Variants in MTHFD1L observed in about 807,000 individuals in gnomAD.
MTHFD1L encodes the protein monofunctional C1-tetrahydrofolate synthase, mitochondrial.
In MTHFD1L, 81 loss-of-function variants were observed where a neutral mutation model predicts 119.5. That is an observed-to-expected ratio of 0.68 (90% CI 0.57 to 0.82). The LOEUF (loss-of-function observed/expected upper bound fraction) is 0.82. Among genes scored for constraint, MTHFD1L ranks in the 40% least tolerant of loss-of-function variants. MTHFD1L has a pLI of 0.00. For synonymous variants in MTHFD1L, 430 were observed against 475.2 expected (o/e 0.90, Z 1.24); for missense variants, 1,125 against 1,253.4 (o/e 0.90, Z 1.55).
chr6:151,100,842 A>G (rs1795312340), intron 27 of MTHFD1L, among the ~76,000 whole-genome samples: 1 of 152,050 alleles, frequency 6.6e-6, no homozygotes, highest in Non-Finnish European at 1.5e-5. Context: ...TAAAAATCCA[A>G]GGTGACAGTA....
intron 24 of MTHFD1L, among the ~76,000 whole-genome samples, chr6:151,023,203 T>C (rs1475985202): frequency 6.6e-6 from 1 of 152,044 alleles, no homozygotes; most frequent in Non-Finnish European, 1.5e-5. Context: ...TGGGCCACTA[T>C]GCCCAGCAAA....
chr6:151,050,725 A>G (rs1350566145), intron 26 of MTHFD1L, among the ~76,000 whole-genome samples: 1 of 151,990 alleles, frequency 6.6e-6, no homozygotes, highest in East Asian at 1.9e-4. Flanking sequence ...TGCTTGGTGT[A>G]TGGGGAAACC....
chr6:151,017,640 C>A (rs976108499), intron 24 of MTHFD1L, among the ~76,000 whole-genome samples: 1 of 152,178 alleles, frequency 6.6e-6, no homozygotes, highest in South Asian at 2.1e-4. Flanking sequence ...CCACCGCGCC[C>A]GGCCAGAATT....
At chr6:151,079,340 C>T (rs797005780) in intron 26 of MTHFD1L, among the ~76,000 whole-genome samples, 4 of 152,018 alleles carry the variant, frequency 2.6e-5, no homozygotes, top group African/African-American at 4.8e-5. Context: ...AGGACAGCAG[C>T]GAAAGGCAAA....
rs765496279 is a variant in MTHFD1L, at chr6:151,014,952, C to T, written c.2380C>T (p.Pro794Ser). 55 of 1,613,932 alleles carry T rather than the reference C, an allele frequency of 3.4e-5. 1 individual carries two copies. The highest frequency in any genetic ancestry group is 4.4e-5 in the Non-Finnish European group (52 of 1,179,998). ...TCAGATCACTCAGCTCTTTGGGGTTCCCGTTGTGGTGGCTCTGAATGTCTT... is the reference window on the plus strand; with the variant it reads ...TCAGATCACTCAGCTCTTTGGGGTTTCCGTTGTGGTGGCTCTGAATGTCTT... ...QIQITQLFGV[P>S]VVVALNVFKT... is the part of the protein sequence containing the mutation. Residue 794 changes from proline to serine, a missense_variant, in exon 23 of 28, where the codon CCC (proline) becomes TCC (serine). Around this residue, in one of 3 missense-constraint regions of MTHFD1L, gnomAD observed 1,058 missense variants for 1,151.2 expected, o/e 0.92. Coordinates refer to ENST00000367321, the MANE Select transcript of MTHFD1L (RefSeq NM_015440.5).
At chr6:151,076,154 T>G (rs1364687215) in intron 26 of MTHFD1L, among the ~76,000 whole-genome samples, 2 of 152,172 alleles carry the variant, frequency 1.3e-5, no homozygotes, top group East Asian at 3.9e-4. Context: ...GAGGATGGCT[T>G]GAGCCCAGCC....
chr6:150,983,066 A>G (rs1777775893), intron 20 of MTHFD1L, among the ~76,000 whole-genome samples: 2 of 152,086 alleles, frequency 1.3e-5, no homozygotes, highest in African/African-American at 4.8e-5. Flanking sequence ...TAGTTGTGAG[A>G]TTTAGCATCT....
At chr6:150,891,211 C>T (rs1488443007) in intron 7 of MTHFD1L, among the ~76,000 whole-genome samples, 1 of 152,056 alleles carries the variant, frequency 6.6e-6, no homozygotes, top group Admixed American at 6.6e-5. Flanking sequence ...GTCTGGAACT[C>T]CTGACCTCAG....
At chr6:150,947,393 C>T (rs1188557215) in intron 15 of MTHFD1L, among the ~76,000 whole-genome samples, 1 of 151,226 alleles carries the variant, frequency 6.6e-6, no homozygotes, top group Non-Finnish European at 1.5e-5. Context: ...CCACACCCAG[C>T]CAAAAATCAC....
chr6:150,975,510 A>C (rs1329223294), intron 20 of MTHFD1L, among the ~76,000 whole-genome samples: 2 of 152,218 alleles, frequency 1.3e-5, no homozygotes, highest in Admixed American at 1.3e-4. Flanking sequence ...TCTAACACAT[A>C]TATTTTTTAA....
At chr6:150,959,016 T>TA in intron 17 of MTHFD1L, 1 of 170,006 alleles carries the variant, frequency 5.9e-6, no homozygotes, top group Non-Finnish European at 1.2e-5. Context: ...CCATATTTTT[T>TA]AGTCATTTTC....
At chr6:150,910,304 C>T (rs1786650002) in intron 8 of MTHFD1L, among the ~76,000 whole-genome samples, 1 of 152,110 alleles carries the variant, frequency 6.6e-6, no homozygotes, top group South Asian at 2.1e-4. Flanking sequence ...TGGCTCACGC[C>T]TGTAATCCTA....
At chr6:150,882,998 G>A in intron 5 of MTHFD1L, 112 bp downstream of exon 5, 1 of 1,083,530 alleles carries the variant, frequency 9.2e-7, no homozygotes, top group Non-Finnish European at 1.3e-6. Flanking sequence ...TCAGTAATTG[G>A]ATAAAAAAAT....
intron 26 of MTHFD1L, chr6:151,057,354 A>G (rs1476875696): frequency 4.1e-6 from 4 of 985,240 alleles, no homozygotes; most frequent in Non-Finnish European, 4.8e-6. Flanking sequence ...AAGGCCTGAG[A>G]GACCGGCCAG....
chr6:151,015,704 G>A lies in MTHFD1L; in HGVS notation c.2586+11G>A. 6.2e-7 allele frequency: 1 copy of A among 1,611,850 alleles called. No individual in the cohort carries two copies. The highest frequency in any genetic ancestry group is 8.5e-7 in the Non-Finnish European group (1 of 1,179,056). ...CTGTATGATGTTCAGGTAAGATCTA[G>A]TAAAAACAATGGCTCACATTTCTTA... is the stretch of plus-strand genomic sequence containing the variant. On this transcript the variant is annotated intron_variant, in intron 24 of 27. Transcript: ENST00000367321.
chr6:150,936,584 C>A (rs1020418102), intron 11 of MTHFD1L, among the ~76,000 whole-genome samples: 5 of 152,106 alleles, frequency 3.3e-5, no homozygotes, highest in Non-Finnish European at 7.3e-5. Context: ...TGCCTAATAC[C>A]TTTTCCTTTT....
intron 19 of MTHFD1L, among the ~76,000 whole-genome samples, chr6:150,970,444 A>C (rs990132783): frequency 1.3e-5 from 2 of 152,172 alleles, no homozygotes; most frequent in African/African-American, 4.8e-5. Flanking sequence ...AAATTACCTA[A>C]ACTTCAATAA....
intron 9 of MTHFD1L, among the ~76,000 whole-genome samples, chr6:150,920,665 G>A (rs377075362): frequency 4.3e-4 from 65 of 152,204 alleles, no homozygotes; most frequent in East Asian, 3.5e-3. Context: ...GATCATTCAC[G>A]CAGTCCTATA....
chr6:150,933,721 T>G (rs1372510698), intron 11 of MTHFD1L, among the ~76,000 whole-genome samples: 2 of 152,178 alleles, frequency 1.3e-5, no homozygotes, highest in African/African-American at 2.4e-5. Flanking sequence ...CTGGAAACAG[T>G]CTCATCCTTG....
Sources: gnomAD v4.1 joint callset for allele counts (sites outside exome capture counted in the v4.1 genomes callset) on GRCh38, gnomAD v4.1.1 for gene constraint, gnomAD v4.1.1 regional missense constraint, MANE v1.5 for transcripts, NCBI Gene and HGNC (gene_info 2026-07-23, HGNC 2026-07-21) for gene names.